Variants in PDE4D observed in about 807,000 individuals in gnomAD.
The protein encoded by PDE4D is phosphodiesterase 4D.
Under a neutral mutation model 87.4 loss-of-function variants are expected in PDE4D, and 24 were observed. The observed-to-expected ratio is 0.27, with a 90% CI of 0.20 to 0.39. The LOEUF is 0.39. PDE4D is among the 10% of genes least tolerant of loss of function. The probability of loss-of-function intolerance (pLI) is 1.00; values close to 1 mark genes in which losing one functional copy is unlikely to be tolerated. For missense variants in PDE4D, 714 were observed against 1,041.0 expected, an observed-to-expected ratio of 0.69 and a Z score of 4.32; for synonymous variants, 384 against 383.2, an observed-to-expected ratio of 1.00 and a Z score of -0.02.
intron 1 of PDE4D, among the ~76,000 whole-genome samples, chr5:60,431,393 C>T (rs1374100409): frequency 1.2e-4 from 18 of 149,178 alleles, no homozygotes; most frequent in Admixed American, 9.3e-4. Context: ...ACCTCCCAGA[C>T]GGGTTCGCGG....
At chr5:59,928,141 C>A (rs1755486668) in intron 3 of PDE4D, among the ~76,000 whole-genome samples, 1 of 152,152 alleles carries the variant, frequency 6.6e-6, no homozygotes, top group Non-Finnish European at 1.5e-5. Flanking sequence ...CTGAGCCAGT[C>A]TAGGCCCCGA....
intron 5 of PDE4D, among the ~76,000 whole-genome samples, chr5:59,084,803 T>C (rs1767377384): frequency 6.6e-6 from 1 of 152,048 alleles, no homozygotes; most frequent in African/African-American, 2.4e-5. Context: ...AAAGCAAATA[T>C]GTATAATTGC....
chr5:60,272,327 C>T (rs1439032758), intron 1 of PDE4D, among the ~76,000 whole-genome samples: 1 of 152,220 alleles, frequency 6.6e-6, no homozygotes, highest in Non-Finnish European at 1.5e-5. Flanking sequence ...TGTCATCAAC[C>T]CGTATACTTA....
At chr5:59,234,648 A>G (rs1307447889) in intron 1 of PDE4D, among the ~76,000 whole-genome samples, 1 of 152,210 alleles carries the variant, frequency 6.6e-6, no homozygotes, top group Non-Finnish European at 1.5e-5. Flanking sequence ...CCACTGGTAA[A>G]TAATTTAATG....
At chr5:59,128,044 G>GTGTGTGTGTGTC (rs1775741194) in intron 5 of PDE4D, among the ~76,000 whole-genome samples, 4 of 136,602 alleles carry the variant, frequency 2.9e-5, no homozygotes, top group Admixed American at 2.9e-4. Context: ...GTGTGTGTGT[G>GTGTGTGTGTGTC]TGTGTGTGTC....
intron 1 of PDE4D, among the ~76,000 whole-genome samples, chr5:59,365,555 G>T (rs537668395): frequency 2.6e-5 from 4 of 152,096 alleles, no homozygotes; most frequent in Admixed American, 2.0e-4. Context: ...TTGGTGAAAC[G>T]CCAGTTTGTA....
chr5:59,898,949 G>A (rs558001526), intron 3 of PDE4D, among the ~76,000 whole-genome samples: 15 of 152,236 alleles, frequency 9.9e-5, no homozygotes, highest in Middle Eastern at 3.4e-3. Context: ...GTTGAGGGGC[G>A]TTGAACTGCA....
At chr5:59,478,026 T>TA (rs1171686912) in intron 1 of PDE4D, among the ~76,000 whole-genome samples, 1 of 151,776 alleles carries the variant, frequency 6.6e-6, no homozygotes, top group Non-Finnish European at 1.5e-5. Context: ...GAACAACAGA[T>TA]ACTGCAGACT....
chr5:59,086,610 C>G (rs1263174359), intron 5 of PDE4D, among the ~76,000 whole-genome samples: 1 of 152,130 alleles, frequency 6.6e-6, no homozygotes, highest in African/African-American at 2.4e-5. Flanking sequence ...ATTGCTCTTC[C>G]ACATTCCATA....
intron 1 of PDE4D, among the ~76,000 whole-genome samples, chr5:59,257,413 C>A (rs1415432671): frequency 5.9e-5 from 9 of 151,984 alleles, no homozygotes. Context: ...ATCCCTACTG[C>A]AGTTTGGGGA....
At chr5:60,211,382 C>G in intron 1 of PDE4D, among the ~76,000 whole-genome samples, 1 of 151,560 alleles carries the variant, frequency 6.6e-6, no homozygotes, top group Non-Finnish European at 1.5e-5. Context: ...GGGGACGGGT[C>G]CAGATCCCAT....
intron 1 of PDE4D, among the ~76,000 whole-genome samples, chr5:59,524,508 T>C (rs183311187): frequency 1.3e-5 from 2 of 152,236 alleles, no homozygotes; most frequent in Admixed American, 6.5e-5. Flanking sequence ...AAGCACACCA[T>C]AAAAGTTTGA....
In PDE4D at chr5:59,084,185, T is replaced by C. The variant is rs542238981; in HGVS notation, c.809-45214A>G. On this transcript the variant is annotated intron_variant, in intron 5 of 14. Transcript: ENST00000340635. ...AGGATGTAAAGATTAAAAAAGGAAC[T>C]AACCATAAACAGTAGAAGTGGCATT... 2.7e-4 allele frequency among the ~76,000 whole-genome samples: 41 copies of C among 152,102 alleles called. 1 individual carries two copies. The South Asian group carries it at 8.1e-3, about 30-fold the overall frequency.
At chr5:59,618,398 A>C (rs1025436222) in intron 1 of PDE4D, among the ~76,000 whole-genome samples, 4 of 152,124 alleles carry the variant, frequency 2.6e-5, no homozygotes, top group African/African-American at 9.7e-5. Flanking sequence ...AGAATCATGA[A>C]CGCCAGAGAA....
In PDE4D at chr5:59,054,650, T is replaced by G. The variant is rs189522094; in HGVS notation, c.809-15679A>C. Among the ~76,000 whole-genome samples, 553 of 152,132 alleles carry G rather than the reference T, an allele frequency of 3.6e-3. 1 individual carries two copies. The highest frequency in any genetic ancestry group is 7.3e-3 in the Admixed American group (112 of 15,278). On this transcript the variant is annotated intron_variant, in intron 5 of 14. Coordinates refer to ENST00000340635, the MANE Select transcript of PDE4D (RefSeq NM_001104631.2). Reference sequence around the variant, plus strand: ...GTATATATAGGAACAGTATATACCATACACATAAGAGTAAATATATATTCG... The same window carrying G: ...GTATATATAGGAACAGTATATACCAGACACATAAGAGTAAATATATATTCG...
intron 1 of PDE4D, among the ~76,000 whole-genome samples, chr5:59,650,699 C>T (rs1053321849): frequency 6.6e-6 from 1 of 152,032 alleles, no homozygotes; most frequent in African/African-American, 2.4e-5. Flanking sequence ...ATGTTATGGT[C>T]GATTTTATTG....
At chr5:60,414,376 A>T (rs1330562225) in intron 1 of PDE4D, among the ~76,000 whole-genome samples, 3 of 152,180 alleles carry the variant, frequency 2.0e-5, no homozygotes, top group African/African-American at 7.2e-5. Context: ...TTTTTATCTT[A>T]ACTGTTTTTG....
chr5:59,487,359 G>T (rs893999277), intron 1 of PDE4D, among the ~76,000 whole-genome samples: 1 of 152,144 alleles, frequency 6.6e-6, no homozygotes, highest in African/African-American at 2.4e-5. Context: ...AATAGCTAAA[G>T]AAATAAGCAT....
intron 1 of PDE4D, among the ~76,000 whole-genome samples, chr5:59,334,379 C>T (rs558248353): frequency 1.3e-5 from 2 of 151,160 alleles, no homozygotes; most frequent in South Asian, 4.2e-4. Flanking sequence ...CTGCCTCAGC[C>T]TCCCTAGTAG....
Sources: allele counts gnomAD v4.1 joint callset (sites outside exome capture counted in the v4.1 genomes callset), GRCh38; gene constraint gnomAD v4.1.1; transcripts MANE v1.5; gene names NCBI Gene and HGNC (gene_info 2026-07-23, HGNC 2026-07-21).